Variants in NTM observed in about 807,000 individuals in gnomAD.
NTM encodes the protein IgLON family member 2.
A neutral mutation model predicts 42.1 loss-of-function variants in NTM; 13 were observed. The observed-to-expected ratio is 0.31, with a 90% CI of 0.20 to 0.49. NTM has a LOEUF of 0.49. NTM is among the 20% of genes least tolerant of loss of function. The pLI, the probability that NTM is intolerant of heterozygous loss-of-function variation, is 0.99. For missense variants in NTM, 373 were observed against 452.8 expected, an observed-to-expected ratio of 0.82 and a Z score of 1.60; for synonymous variants, 187 against 179.2, an observed-to-expected ratio of 1.04 and a Z score of -0.35.
At chr11:131,468,886 G>T (rs1952151335) in intron 1 of NTM, among the ~76,000 whole-genome samples, 1 of 152,182 alleles carries the variant, frequency 6.6e-6, no homozygotes, top group African/African-American at 2.4e-5. Flanking sequence ...GGTGGTTTGG[G>T]CATCCTAGCT....
intron 2 of NTM, among the ~76,000 whole-genome samples, chr11:132,064,311 AC>A (rs2136064852): frequency 6.6e-6 from 1 of 152,324 alleles, no homozygotes; most frequent in African/African-American, 2.4e-5. Flanking sequence ...CTATCTATCT[AC>A]CTATCTATCT....
intron 1 of NTM, among the ~76,000 whole-genome samples, chr11:131,418,024 A>G (rs74429307): frequency 0.028 from 4,316 of 152,302 alleles, 201 homozygotes; most frequent in African/African-American, 0.098. Context: ...AGGTTCAGAC[A>G]ACTGGCTGAA....
At chr11:131,670,031 C>T (rs139899505) in intron 1 of NTM, among the ~76,000 whole-genome samples, 5 of 152,222 alleles carry the variant, frequency 3.3e-5, no homozygotes, top group African/African-American at 1.2e-4. Flanking sequence ...AAGGCTTTGT[C>T]GGTGTCTGAC....
At chr11:131,388,069 G>C (rs1287277184) in intron 1 of NTM, among the ~76,000 whole-genome samples, 1 of 152,200 alleles carries the variant, frequency 6.6e-6, no homozygotes, top group Non-Finnish European at 1.5e-5. Context: ...AAAGGAGTGT[G>C]AAGACTGAAT....
intron 1 of NTM, among the ~76,000 whole-genome samples, chr11:131,609,928 C>T (rs1262882638): frequency 6.6e-6 from 1 of 152,176 alleles, no homozygotes; most frequent in Non-Finnish European, 1.5e-5. Context: ...GCTTCTACCC[C>T]TTCATCTAGT....
intron 3 of NTM, among the ~76,000 whole-genome samples, chr11:132,160,321 G>A (rs2074020186): frequency 1.3e-5 from 2 of 152,220 alleles, no homozygotes; most frequent in African/African-American, 4.8e-5. Context: ...GCACCAGGAA[G>A]TGCCCTCAAG....
intron 1 of NTM, among the ~76,000 whole-genome samples, chr11:131,399,726 C>T (rs1376886256): frequency 6.6e-6 from 1 of 152,110 alleles, no homozygotes; most frequent in East Asian, 1.9e-4. Flanking sequence ...TCCTTAGCGC[C>T]CATTTGGAAA....
In NTM at chr11:131,583,060, C is replaced by G. The variant is rs547305296; in HGVS notation, c.82+212172C>G. Among the ~76,000 whole-genome samples the G allele has an allele frequency of 3.3e-5, 5 of 152,322 alleles. No homozygotes were observed. In the East Asian group the frequency reaches 9.6e-4, roughly 29 times the overall value. ...ACACACGGGTAGCGTCTCCCTGGCT[C>G]TCTTTGATGATCCAAATGCATCACT... On this transcript the variant is annotated intron_variant, in intron 1 of 8. Coordinates refer to ENST00000683400, the MANE Select transcript of NTM (RefSeq NM_001352005.2).
At chr11:131,544,722 T>A (rs909979834) in intron 1 of NTM, among the ~76,000 whole-genome samples, 7 of 152,340 alleles carry the variant, frequency 4.6e-5, no homozygotes, top group Non-Finnish European at 8.8e-5. Context: ...GAATGTTTTA[T>A]TTCCTGCTCC....
intron 1 of NTM, among the ~76,000 whole-genome samples, chr11:131,434,328 G>A (rs1948939884): frequency 6.6e-6 from 1 of 152,154 alleles, no homozygotes; most frequent in Admixed American, 6.5e-5. Flanking sequence ...GGGTCAAATG[G>A]TATTTCTAGT....
At chr11:132,185,517 T>G (rs986430808) in intron 3 of NTM, among the ~76,000 whole-genome samples, 2 of 152,182 alleles carry the variant, frequency 1.3e-5, no homozygotes, top group Non-Finnish European at 2.9e-5. Flanking sequence ...CTATTGCACA[T>G]GATTTTGTTA....
chr11:132,237,589 A>T (rs1470998218), intron 4 of NTM, among the ~76,000 whole-genome samples: 1 of 152,182 alleles, frequency 6.6e-6, no homozygotes, highest in African/African-American at 2.4e-5. Context: ...AGCCGCACTC[A>T]GTCTCAGCAT....
chr11:132,034,554 C>T (rs964689322), intron 2 of NTM, among the ~76,000 whole-genome samples: 2 of 152,186 alleles, frequency 1.3e-5, no homozygotes, highest in Non-Finnish European at 2.9e-5. Flanking sequence ...CAGATGAAAT[C>T]CCAGAGGGCA....
At chr11:131,786,839 C>T (rs763064682) in intron 1 of NTM, among the ~76,000 whole-genome samples, 25 of 152,144 alleles carry the variant, frequency 1.6e-4, no homozygotes, top group Non-Finnish European at 3.5e-4. Flanking sequence ...GCTCTGTTGG[C>T]TACAGGCTAT....
At chr11:132,324,797 GC>G (rs1326541405) in intron 7 of NTM, among the ~76,000 whole-genome samples, 3 of 149,544 alleles carry the variant, frequency 2.0e-5, no homozygotes, top group African/African-American at 7.4e-5. Context: ...AACCAAAACA[GC>G]ATGGTACTGG....
At chr11:131,832,390 T>C (rs1384730268) in intron 1 of NTM, among the ~76,000 whole-genome samples, 3 of 152,052 alleles carry the variant, frequency 2.0e-5, no homozygotes, top group Non-Finnish European at 2.9e-5. Context: ...AAAAAAACCA[T>C]GGATACCCTG....
rs569073891 is a variant in NTM, at chr11:131,810,543, GGGCA to G, written c.83-101018_83-101015del. Among the ~76,000 whole-genome samples, 61 of 152,294 alleles carry G rather than the reference GGGCA, an allele frequency of 4.0e-4. No homozygotes were observed. In the South Asian group the frequency reaches 0.013, roughly 32 times the overall value. ...ATAGGAATGAGCACGAGCGGCAGGT[GGGCA>G]GGTACCATGCTTGTGTCTGAATGGG... On this transcript the variant is annotated intron_variant, in intron 1 of 8. Coordinates refer to ENST00000683400, the MANE Select transcript of NTM (RefSeq NM_001352005.2).
intron 4 of NTM, among the ~76,000 whole-genome samples, chr11:132,300,167 G>A (rs988067036): frequency 2.0e-5 from 3 of 152,256 alleles, no homozygotes; most frequent in Middle Eastern, 6.8e-3. Flanking sequence ...TACTGGCAAA[G>A]CAGAGGTCTG....
At chr11:131,859,437 GA>G (rs1361821203) in intron 1 of NTM, among the ~76,000 whole-genome samples, 3 of 152,190 alleles carry the variant, frequency 2.0e-5, no homozygotes, top group Non-Finnish European at 4.4e-5. Flanking sequence ...TTAAGAGTAT[GA>G]CTGCCTCTTG....
Sources: gnomAD v4.1 joint callset for allele counts (sites outside exome capture counted in the v4.1 genomes callset) on GRCh38, gnomAD v4.1.1 for gene constraint, MANE v1.5 for transcripts, NCBI Gene and HGNC (gene_info 2026-07-23, HGNC 2026-07-21) for gene names.